YBX1: variants seen among roughly 807,000 people sequenced by gnomAD.
YBX1 encodes Y-box binding protein 1.
Under a neutral mutation model 41.4 loss-of-function variants are expected in YBX1, and 3 were observed. The observed-to-expected ratio is 0.07, with a 90% CI of 0.03 to 0.19. The LOEUF (loss-of-function observed/expected upper bound fraction) is 0.19, where lower values mean the gene tolerates loss of function less well. YBX1 is among the 10% of genes least tolerant of loss of function. YBX1 has a pLI of 1.00. For synonymous variants in YBX1, 133 were observed against 165.8 expected, an observed-to-expected ratio of 0.80 and a Z score of 1.52; for missense variants, 274 against 462.8, an observed-to-expected ratio of 0.59 and a Z score of 3.74.
chr1:42,692,517 G>T lies in YBX1; in HGVS notation c.231-973G>T, dbSNP rs115329703. Among the ~76,000 whole-genome samples, 1,086 of 152,210 alleles carry T rather than the reference G, an allele frequency of 7.1e-3. 7 individuals carry two copies. Among genetic ancestry groups the T allele is most frequent in the Non-Finnish European group, 0.013 (856 of 68,016 alleles). On this transcript the variant is annotated intron_variant, in intron 2 of 7. Transcript: ENST00000321358. ...TAATAATCCAAGCTATAATTTACAGGTCAGATTTAAAGTTAATTTTATGTG... is the reference window on the plus strand; with the variant it reads ...TAATAATCCAAGCTATAATTTACAGTTCAGATTTAAAGTTAATTTTATGTG...
chr1:42,694,438 GT>G (rs1348959869), intron 3 of YBX1, among the ~76,000 whole-genome samples: 1 of 152,146 alleles, frequency 6.6e-6, no homozygotes, highest in African/African-American at 2.4e-5. Context: ...TTGAAATATT[GT>G]CAACTTGTAT....
At chr1:42,690,122 G>A (rs143707762) in intron 2 of YBX1, among the ~76,000 whole-genome samples, 1 of 151,982 alleles carries the variant, frequency 6.6e-6, no homozygotes, top group African/African-American at 2.4e-5. Flanking sequence ...TGGCTGAAGT[G>A]CAAGAACTTG....
At chr1:42,687,877 A>G (rs1650235436) in intron 2 of YBX1, among the ~76,000 whole-genome samples, 1 of 152,240 alleles carries the variant, frequency 6.6e-6, no homozygotes, top group African/African-American at 2.4e-5. Flanking sequence ...CCGTAACATA[A>G]CTGACAAAAT....
intron 2 of YBX1, among the ~76,000 whole-genome samples, chr1:42,691,713 G>A (rs1032705575): frequency 6.6e-6 from 1 of 152,080 alleles, no homozygotes; most frequent in African/African-American, 2.4e-5. Context: ...AATTTAATGC[G>A]TATTAAAACA....
In YBX1 at chr1:42,696,522, C is replaced by CCCGGG; in HGVS notation, c.355-120_355-119insCCGGG. On this transcript the variant is annotated intron_variant, in intron 4 of 7. Coordinates refer to ENST00000321358, the MANE Select transcript of YBX1 (RefSeq NM_004559.5). This position sits in a 1 kb window ranked among gnomAD's most constrained non-coding sequence, Gnocchi z 5.7. ...GGTCACGCAGTTGCGCCCCCCCCCC[C>CCCGGG]TTTTTTTTCCTTAACTTTGTTGTTT... is the stretch of plus-strand genomic sequence containing the variant. 4.7e-6 allele frequency: 3 copies of CCCGGG among 637,568 alleles called. No individual in the cohort carries two copies. The highest frequency in any genetic ancestry group is 7.1e-6 in the Non-Finnish European group (3 of 420,684). 39.5% of individuals were successfully genotyped at this position (637,568 alleles called of 1,614,324 possible).
chr1:42,682,467 G>A lies in YBX1; in HGVS notation c.-99G>A, dbSNP rs1010546576. The A allele has an allele frequency of 3.5e-5, 45 of 1,286,284 alleles. No homozygotes were observed. The highest frequency in any genetic ancestry group is 5.6e-5 in the South Asian group (3 of 53,426). The allele number at this position is 1,286,284 out of a possible 1,614,324, so 79.7% of individuals were successfully genotyped here. A position where few individuals can be genotyped will look rare whatever the true frequency, so the allele number is the denominator to read the frequency against. ...GGGAGCGGAGAGCGGACCCCAGAGAGCCCTGAGCAGCCCCACCGCCGCCGC... is the reference window on the plus strand; with the variant it reads ...GGGAGCGGAGAGCGGACCCCAGAGAACCCTGAGCAGCCCCACCGCCGCCGC... On this transcript the variant is annotated 5_prime_UTR_variant, in exon 1 of 8. Coordinates refer to ENST00000321358, the MANE Select transcript of YBX1 (RefSeq NM_004559.5).
chr1:42,700,172 T>C (rs1650559104), intron 6 of YBX1, among the ~76,000 whole-genome samples: 1 of 152,148 alleles, frequency 6.6e-6, no homozygotes, highest in Non-Finnish European at 1.5e-5. Flanking sequence ...TGTACAAAGG[T>C]AAATGTGAAT....
At chr1:42,697,063 G>C in intron 5 of YBX1, 117 bp from the exon 6 acceptor site, 1 of 1,456,096 alleles carries the variant, frequency 6.9e-7, no homozygotes, top group Non-Finnish European at 9.2e-7. Context: ...AATTTATAAT[G>C]TAGTCACAAT....
At chr1:42,695,895 G>A (rs1249367811) in intron 3 of YBX1, among the ~76,000 whole-genome samples, 1 of 152,216 alleles carries the variant, frequency 6.6e-6, no homozygotes, top group African/African-American at 2.4e-5. Flanking sequence ...TTTGTTAAAA[G>A]TTATATATAA....
At chr1:42,684,559 CAT>C (rs1394878425) in intron 2 of YBX1, among the ~76,000 whole-genome samples, 1 of 152,204 alleles carries the variant, frequency 6.6e-6, no homozygotes, top group African/African-American at 2.4e-5. Context: ...ATTAATCAAT[CAT>C]AGAGTATTGT....
At chr1:42,695,997 G>A (rs926574850) in intron 3 of YBX1, among the ~76,000 whole-genome samples, 1 of 152,142 alleles carries the variant, frequency 6.6e-6, no homozygotes, top group African/African-American at 2.4e-5. Flanking sequence ...ACAATGCTGG[G>A]GCCTTGTATG....
At position 42,696,619 on chromosome 1, in the gene YBX1, T is replaced by C; in HGVS notation, c.355-23T>C. The C allele has an allele frequency of 2.0e-6, 3 of 1,481,808 alleles. No homozygotes were observed. The highest frequency in any genetic ancestry group is 2.9e-5 in the South Asian group (2 of 69,614). 91.8% of individuals were successfully genotyped at this position (1,481,808 alleles called of 1,614,324 possible). A position where few individuals can be genotyped will look rare whatever the true frequency, so the allele number is the denominator to read the frequency against. The stretch of plus-strand genomic sequence containing the variant: ...AGTGTTCTGATTTCCTTTGTCACTA[T>C]CAATATGTAATGGCTTTTGTAGGGT... On this transcript the variant is annotated intron_variant, in intron 4 of 7. Coordinates refer to ENST00000321358, the MANE Select transcript of YBX1 (RefSeq NM_004559.5). This position sits in a 1 kb window ranked among gnomAD's most constrained non-coding sequence, Gnocchi z 5.7.
chr1:42,682,823 C>A, intron 1 of YBX1, 92 bp downstream of exon 1: 2 of 791,180 alleles, frequency 2.5e-6, no homozygotes, highest in Non-Finnish European at 3.3e-6. Flanking sequence ...GGCGCGCGGC[C>A]GGTGGGCACC....
chr1:42,684,576 ACACT>A (rs1650144939), intron 2 of YBX1, among the ~76,000 whole-genome samples: 2 of 152,350 alleles, frequency 1.3e-5, no homozygotes, highest in Admixed American at 1.3e-4. Context: ...TATTGTGGAA[ACACT>A]CAGAGTAAGA....
intron 2 of YBX1, among the ~76,000 whole-genome samples, chr1:42,690,651 G>T (rs1354705260): frequency 6.6e-6 from 1 of 152,188 alleles, no homozygotes; most frequent in Non-Finnish European, 1.5e-5. Flanking sequence ...TTCAGGGCCT[G>T]ATTGCCCCAG....
intron 1 of YBX1, chr1:42,683,015 C>T (rs1360259904): frequency 7.0e-6 from 2 of 283,694 alleles, no homozygotes; most frequent in South Asian, 2.8e-5. Context: ...CCCTCCCCGC[C>T]GACCGGCCTC....
At chr1:42,683,090 G>C in intron 1 of YBX1, 1 of 537,252 alleles carries the variant, frequency 1.9e-6, no homozygotes, top group Non-Finnish European at 3.5e-6. Context: ...GCGTGTGCTC[G>C]GAGGGCGCGG....
intron 2 of YBX1, among the ~76,000 whole-genome samples, chr1:42,688,198 A>C (rs375910263): frequency 6.6e-6 from 1 of 152,202 alleles, no homozygotes; most frequent in Non-Finnish European, 1.5e-5. Flanking sequence ...CTCGTGAACA[A>C]TGTGAGTTTG....
chr1:42,683,374 G>A (rs767961573), intron 1 of YBX1, 29 bp from the exon 2 acceptor site: 1 of 1,614,046 alleles, frequency 6.2e-7, no homozygotes, highest in African/African-American at 1.3e-5. Flanking sequence ...TGGTAATCGT[G>A]GCTTGTTTTG....
Sources: gnomAD v4.1 joint callset for allele counts (sites outside exome capture counted in the v4.1 genomes callset) on GRCh38, gnomAD v4.1.1 for gene constraint, Gnocchi (gnomAD v3.1) non-coding constraint, MANE v1.5 for transcripts, NCBI Gene and HGNC (gene_info 2026-07-23, HGNC 2026-07-21) for gene names.